PRKN: variants seen among roughly 807,000 people sequenced by gnomAD.
The protein encoded by PRKN is E3 ubiquitin-protein ligase parkin.
In PRKN, 56 loss-of-function variants were observed where a neutral mutation model predicts 59.5. The ratio of observed to expected loss-of-function variants is 0.94; its 90% CI spans 0.76 to 1.18. PRKN has a LOEUF of 1.18. Ranked by LOEUF, PRKN falls within the 50% of genes most tolerant of loss-of-function variation. The pLI is 0.00. For synonymous variants in PRKN, 250 were observed against 222.1 expected (o/e 1.13, Z -1.12); for missense variants, 657 against 596.4 (o/e 1.10, Z -1.06).
chr6:161,872,011 T>C (rs1794360381), intron 6 of PRKN, among the ~76,000 whole-genome samples: 1 of 152,130 alleles, frequency 6.6e-6, no homozygotes, highest in Non-Finnish European at 1.5e-5. Context: ...CATATTCAAA[T>C]ATTTCAGTGA....
chr6:161,662,533 A>C (rs1304518428), intron 7 of PRKN, among the ~76,000 whole-genome samples: 1 of 152,036 alleles, frequency 6.6e-6, no homozygotes. Flanking sequence ...TGGACTTCTG[A>C]CTTTGGCTAA....
At chr6:161,893,120 C>T (rs1423192230) in intron 6 of PRKN, among the ~76,000 whole-genome samples, 2 of 152,318 alleles carry the variant, frequency 1.3e-5, no homozygotes, top group Admixed American at 6.5e-5. Context: ...GGATTACAGG[C>T]GTGAGCCACC....
intron 2 of PRKN, among the ~76,000 whole-genome samples, chr6:162,429,932 AT>A (rs1240527103): frequency 3.3e-5 from 5 of 152,122 alleles, no homozygotes; most frequent in African/African-American, 1.2e-4. Context: ...CACTTTTGCC[AT>A]TTGTTTAGTC....
At chr6:162,021,512 C>T (rs966610340) in intron 5 of PRKN, among the ~76,000 whole-genome samples, 27 of 132,090 alleles carry the variant, frequency 2.0e-4, no homozygotes, top group Middle Eastern at 3.9e-3. Context: ...CTTTTAATTT[C>T]GTTTCCATGA....
chr6:162,213,227 C>T (rs1777472469), intron 3 of PRKN, among the ~76,000 whole-genome samples: 2 of 152,052 alleles, frequency 1.3e-5, no homozygotes, highest in African/African-American at 4.8e-5. Flanking sequence ...TATCAAGATG[C>T]CATCTATCAA....
intron 6 of PRKN, among the ~76,000 whole-genome samples, chr6:161,799,151 A>T (rs1268497729): frequency 6.6e-6 from 1 of 152,192 alleles, no homozygotes; most frequent in African/African-American, 2.4e-5. Flanking sequence ...CACCAAGCCT[A>T]AGTTACTTCC....
chr6:162,726,250 TTAAAA>T (rs1202216318), intron 1 of PRKN, among the ~76,000 whole-genome samples: 2 of 152,194 alleles, frequency 1.3e-5, no homozygotes, highest in African/African-American at 2.4e-5. Context: ...TTAAGTTAAA[TTAAAA>T]TAAAATGTAT....
chr6:162,262,631 C>G lies in PRKN; in HGVS notation c.306G>C (p.Leu102Phe). ...CTGAGCTGCTGAGGTCCACCCGAGTCAAGCTCTGGGGCTCCCGCTCACAGC... is the reference window on the plus strand; with the variant it reads ...CTGAGCTGCTGAGGTCCACCCGAGTGAAGCTCTGGGGCTCCCGCTCACAGC... ...AGGCEREPQS[L>F]TRVDLSSSVL... Residue 102 changes from leucine (L) to phenylalanine (F), a missense_variant, in exon 3 of 12, where the codon TTG becomes TTC. Coordinates refer to ENST00000366898, the MANE Select transcript of PRKN (RefSeq NM_004562.3). 1 of 1,613,870 alleles carries G rather than the reference C, an allele frequency of 6.2e-7. No individual in the cohort carries two copies. The highest frequency in any genetic ancestry group is 8.5e-7 in the Non-Finnish European group (1 of 1,180,004).
intron 3 of PRKN, among the ~76,000 whole-genome samples, chr6:162,239,038 A>C (rs1269717808): frequency 6.6e-6 from 1 of 152,210 alleles, no homozygotes; most frequent in Non-Finnish European, 1.5e-5. Flanking sequence ...TGACCAGAGA[A>C]AACGCTAGCA....
chr6:161,611,044 C>T (rs1782471056), intron 7 of PRKN, among the ~76,000 whole-genome samples: 1 of 152,168 alleles, frequency 6.6e-6, no homozygotes, highest in Admixed American at 6.5e-5. Flanking sequence ...GAGCTTGAAG[C>T]CTTGTTCTCA....
At chr6:161,736,232 G>GAAA (rs1240694958) in intron 7 of PRKN, among the ~76,000 whole-genome samples, 1 of 152,206 alleles carries the variant, frequency 6.6e-6, no homozygotes, top group Non-Finnish European at 1.5e-5. Context: ...TTATCAAAGA[G>GAAA]AAAGGGCTTT....
In PRKN at chr6:162,304,622, T is replaced by A. The variant is rs554886523; in HGVS notation, c.172-41857A>T. ...ATACTTCCCCCACACTTATATATGA[T>A]CCTCTTTTAACGACTTGGGGAACTT... On this transcript the variant is annotated intron_variant, in intron 2 of 11. Transcript: ENST00000366898. 2.0e-3 allele frequency among the ~76,000 whole-genome samples: 298 copies of A among 150,898 alleles called. 9 individuals carry two copies. The highest frequency in any genetic ancestry group is 5.7e-3 in the Admixed American group (86 of 15,190).
intron 5 of PRKN, among the ~76,000 whole-genome samples, chr6:162,042,442 C>T (rs1356506798): frequency 5.1e-5 from 7 of 138,356 alleles, no homozygotes; most frequent in Non-Finnish European, 9.5e-5. Flanking sequence ...CAGGCATGTA[C>T]CCAGCTAATT....
chr6:161,608,073 G>A (rs748932877), intron 7 of PRKN, among the ~76,000 whole-genome samples: 1 of 152,174 alleles, frequency 6.6e-6, no homozygotes, highest in Non-Finnish European at 1.5e-5. Context: ...GAATAAACCT[G>A]GCATTCGGGA....
intron 1 of PRKN, among the ~76,000 whole-genome samples, chr6:162,523,167 G>A (rs1302932394): frequency 6.6e-6 from 1 of 152,152 alleles, no homozygotes; most frequent in Non-Finnish European, 1.5e-5. Context: ...ATCAAATTAG[G>A]AATGACTCTT....
At chr6:162,183,568 T>C (rs1035963282) in intron 4 of PRKN, among the ~76,000 whole-genome samples, 6 of 152,098 alleles carry the variant, frequency 3.9e-5, no homozygotes, top group African/African-American at 1.2e-4. Flanking sequence ...AAATCAAAGA[T>C]TTGTGGTTCC....
At chr6:161,610,311 C>T (rs1400582623) in intron 7 of PRKN, among the ~76,000 whole-genome samples, 1 of 151,854 alleles carries the variant, frequency 6.6e-6, no homozygotes, top group East Asian at 1.9e-4. Flanking sequence ...TGAACGCTGC[C>T]CATAGGGAGT....
intron 7 of PRKN, among the ~76,000 whole-genome samples, chr6:161,586,636 A>ACCTTG (rs1781532282): frequency 6.6e-6 from 1 of 152,248 alleles, no homozygotes; most frequent in African/African-American, 2.4e-5. Flanking sequence ...GTCCATGGGT[A>ACCTTG]GAATATCCTT....
chr6:162,029,648 T>C (rs529727140), intron 5 of PRKN, among the ~76,000 whole-genome samples: 355 of 152,350 alleles, frequency 2.3e-3, no homozygotes, highest in Non-Finnish European at 4.2e-3. Context: ...TCCTTTATTC[T>C]CAACCTTGAC....
Sources: allele counts gnomAD v4.1 joint callset (sites outside exome capture counted in the v4.1 genomes callset), GRCh38; gene constraint gnomAD v4.1.1; transcripts MANE v1.5; gene names NCBI Gene and HGNC (gene_info 2026-07-23, HGNC 2026-07-21).